Variants in CLVS1 observed in about 807,000 individuals in gnomAD.
CLVS1 encodes the protein clavesin 1, also known as clavesin-1.
Under a neutral mutation model 33.1 loss-of-function variants are expected in CLVS1, and 10 were observed. The observed-to-expected ratio is 0.30, with a 90% CI of 0.19 to 0.51. The LOEUF (loss-of-function observed/expected upper bound fraction) is 0.51. Ranked by LOEUF, CLVS1 falls within the 20% of genes least tolerant of loss-of-function variation. CLVS1 has a pLI of 0.97. For missense variants in CLVS1, 343 were observed against 433.4 expected (o/e 0.79, Z 1.85); for synonymous variants, 163 against 166.1 (o/e 0.98, Z 0.14).
At chr8:61,203,032 C>T in intron 2 of CLVS1, 1 of 1,328,448 alleles carries the variant, frequency 7.5e-7, no homozygotes, top group South Asian at 1.2e-5. Flanking sequence ...TTTCAAAAAA[C>T]AGGAAAAAAA....
intron 2 of CLVS1, among the ~76,000 whole-genome samples, chr8:61,364,749 C>T (rs1353684671): frequency 1.3e-5 from 2 of 152,148 alleles, no homozygotes; most frequent in Non-Finnish European, 2.9e-5. Flanking sequence ...TAAGGCTTCC[C>T]TTGGTTGTAA....
the CLVS1 span, among the ~76,000 whole-genome samples, chr8:60,996,722 G>T: frequency 6.6e-6 from 1 of 152,174 alleles, no homozygotes; most frequent in East Asian, 1.9e-4. Context: ...CCCTCTAGCT[G>T]AGGTTAATGA....
chr8:61,207,802 T>G lies in CLVS1; in HGVS notation c.-152+75942T>G, dbSNP rs1196923053. Among the ~76,000 whole-genome samples, 7 of 152,190 alleles carry G rather than the reference T, an allele frequency of 4.6e-5. No individual in the cohort carries two copies. In the East Asian group the frequency reaches 1.3e-3, roughly 29 times the overall value. ...ACATCTCGGGGAAAGGTTTAATTTT[T>G]TCAACCACGATTTTCAGCTCTAACT... is the stretch of plus-strand genomic sequence containing the variant. On this transcript the variant is annotated intron_variant, in intron 2 of 2. Transcript: ENST00000522621.
At chr8:61,131,455 G>A (rs1055754134) in intron 1 of CLVS1, among the ~76,000 whole-genome samples, 1 of 152,172 alleles carries the variant, frequency 6.6e-6, no homozygotes, top group Non-Finnish European at 1.5e-5. Flanking sequence ...TTGTGTTTGA[G>A]CGTTTCTGTC....
chr8:61,084,578 G>A (rs1429423385), intron 1 of CLVS1, among the ~76,000 whole-genome samples: 1 of 152,210 alleles, frequency 6.6e-6, no homozygotes, highest in Non-Finnish European at 1.5e-5. Flanking sequence ...AAGGTCAATC[G>A]TGCCAAGGTT....
At chr8:61,002,336 T>G in the CLVS1 span, among the ~76,000 whole-genome samples, 25 of 149,274 alleles carry the variant, frequency 1.7e-4, no homozygotes, top group Non-Finnish European at 3.0e-4. Flanking sequence ...TGTTTTTTTT[T>G]TTTTTTTTTT....
At chr8:61,133,679 T>C (rs963585821) in intron 2 of CLVS1, among the ~76,000 whole-genome samples, 10 of 151,836 alleles carry the variant, frequency 6.6e-5, no homozygotes, top group African/African-American at 2.4e-4. Flanking sequence ...ATCGGAAGGA[T>C]TGGGAAGGGG....
At chr8:61,254,332 TG>T (rs1809024017) in intron 2 of CLVS1, among the ~76,000 whole-genome samples, 3 of 152,184 alleles carry the variant, frequency 2.0e-5, no homozygotes, top group Admixed American at 2.0e-4. Flanking sequence ...CTGCCCCTAC[TG>T]GGGGGTGCCT....
At chr8:61,317,147 A>C (rs1811041184) in intron 2 of CLVS1, among the ~76,000 whole-genome samples, 1 of 152,208 alleles carries the variant, frequency 6.6e-6, no homozygotes. Flanking sequence ...CTTATTTCTC[A>C]GAGTTCTGGA....
chr8:61,077,750 GAGAA>G lies in CLVS1; in HGVS notation c.-243+20524_-243+20527del, dbSNP rs574413139. Among the ~76,000 whole-genome samples, 204 of 152,294 alleles carry G rather than the reference GAGAA, an allele frequency of 1.3e-3. 2 individuals carry two copies. The highest frequency in any genetic ancestry group is 4.6e-3 in the African/African-American group (191 of 41,552). Reference sequence around the variant, plus strand: ...TTTTAAATAGGTGCTTGAAGGAGAAGAGAAAGAGAGGAAATGCTCTGCTCCCTCC... The same window carrying G: ...TTTTAAATAGGTGCTTGAAGGAGAAGAGAGAGGAAATGCTCTGCTCCCTCC... On this transcript the variant is annotated intron_variant, in intron 1 of 2. Transcript: ENST00000522621.
intron 2 of CLVS1, among the ~76,000 whole-genome samples, chr8:61,221,561 C>T (rs746621828): frequency 1.3e-5 from 2 of 152,070 alleles, no homozygotes; most frequent in Non-Finnish European, 2.9e-5. Context: ...GTAAGATTTT[C>T]AATGTGCTGC....
At chr8:61,015,961 A>G in the CLVS1 span, among the ~76,000 whole-genome samples, 1 of 152,214 alleles carries the variant, frequency 6.6e-6, no homozygotes, top group Admixed American at 6.5e-5. Flanking sequence ...TGGTTACTCA[A>G]TAAGGAAATA....
chr8:61,297,922 G>A (rs1585766351), intron 1 of CLVS1, among the ~76,000 whole-genome samples: 1 of 152,184 alleles, frequency 6.6e-6, no homozygotes, highest in East Asian at 1.9e-4. Flanking sequence ...AGATGCTAAA[G>A]TTTGTTTATT....
chr8:61,499,203 G>T (rs915193077), intron 5 of CLVS1, among the ~76,000 whole-genome samples: 1 of 151,618 alleles, frequency 6.6e-6, no homozygotes, highest in Admixed American at 6.6e-5. Context: ...TGGAGACAGG[G>T]TCTACCTCTG....
At chr8:61,491,901 A>AGTT (rs143887838) in intron 5 of CLVS1, among the ~76,000 whole-genome samples, 48 of 152,346 alleles carry the variant, frequency 3.2e-4, no homozygotes, top group African/African-American at 1.1e-3. Flanking sequence ...GTTTCTTTCC[A>AGTT]GTTAGAATTT....
chr8:61,299,885 T>A lies in CLVS1; in HGVS notation c.58T>A (p.Leu20Met). Residue 20 changes from leucine (L) to methionine (M), a missense_variant, in exon 2 of 6, where the codon TTG becomes ATG. Transcript: ENST00000325897. ...GAAGTTAAACACTTGGAACGGAGAT[T>A]TGGCCAAGATGACCCATTTACAGGC... Reference protein sequence around the residue: ...YQKLNTWNGDLAKMTHLQAGL... With the variant: ...YQKLNTWNGDMAKMTHLQAGL... 1 of 1,613,796 alleles carries A rather than the reference T, an allele frequency of 6.2e-7. No individual in the cohort carries two copies. The highest frequency in any genetic ancestry group is 8.5e-7 in the Non-Finnish European group (1 of 1,179,858).
chr8:61,045,269 C>A, the CLVS1 span, among the ~76,000 whole-genome samples: 1 of 152,228 alleles, frequency 6.6e-6, no homozygotes, highest in Non-Finnish European at 1.5e-5. Flanking sequence ...GATTCACTCA[C>A]TGAGACTGAG....
At chr8:61,312,778 A>G (rs1810874695) in intron 2 of CLVS1, among the ~76,000 whole-genome samples, 1 of 152,150 alleles carries the variant, frequency 6.6e-6, no homozygotes, top group African/African-American at 2.4e-5. Flanking sequence ...AAAATCGCAA[A>G]GCTCGTTAGT....
chr8:61,251,117 A>G (rs914919130), intron 2 of CLVS1, among the ~76,000 whole-genome samples: 1 of 152,212 alleles, frequency 6.6e-6, no homozygotes, highest in Non-Finnish European at 1.5e-5. Flanking sequence ...GAGAGTTTTT[A>G]GTATGAAGGG....
Sources: allele counts gnomAD v4.1 joint callset (sites outside exome capture counted in the v4.1 genomes callset), GRCh38; gene constraint gnomAD v4.1.1; transcripts MANE v1.5; gene names NCBI Gene and HGNC (gene_info 2026-07-23, HGNC 2026-07-21).